DNAH9: variants seen among roughly 807,000 people sequenced by gnomAD.
The protein encoded by DNAH9 is dynein axonemal heavy chain 9.
A neutral mutation model predicts 471.6 loss-of-function variants in DNAH9; 345 were observed. The observed-to-expected ratio is 0.73, with a 90% CI of 0.67 to 0.80. DNAH9 has a LOEUF of 0.80. DNAH9 is among the 30% of genes least tolerant of loss of function. The pLI is 0.00. For synonymous variants in DNAH9, 2,093 were observed against 2,123.6 expected, an observed-to-expected ratio of 0.99 and a Z score of 0.40; for missense variants, 5,407 against 5,609.2, an observed-to-expected ratio of 0.96 and a Z score of 1.15.
In DNAH9 at chr17:11,935,946, T is replaced by C. The variant is rs138620640; in HGVS notation, c.12490-1406T>C. 1.2e-4 allele frequency among the ~76,000 whole-genome samples: 18 copies of C among 152,266 alleles called. No homozygotes were observed. The East Asian group carries it at 3.5e-3, about 29-fold the overall frequency. On this transcript the variant is annotated intron_variant, in intron 65 of 68. Transcript: ENST00000262442. The stretch of plus-strand genomic sequence containing the variant: ...ACTTCACCAAAGGCAAAAAGGCTTT[T>C]CCCGGGAAAATTGTGCAACAGCGTC...
At chr17:11,672,754 A>G (rs915467782) in intron 17 of DNAH9, among the ~76,000 whole-genome samples, 4 of 151,144 alleles carry the variant, frequency 2.6e-5, no homozygotes, top group Admixed American at 6.6e-5. Flanking sequence ...ACTCTACCAT[A>G]CCTCTGCTAC....
chr17:11,752,866 A>G lies in DNAH9; in HGVS notation c.6644A>G (p.Asn2215Ser), dbSNP rs768585423. The G allele has an allele frequency of 2.9e-5, 46 of 1,606,734 alleles. No homozygotes were observed. Among genetic ancestry groups the G allele is most frequent in the Non-Finnish European group, 3.7e-5 (43 of 1,176,872 alleles). The change falls in exon 33 of 69, where the codon AAC becomes AGC. Residue 2215 changes from asparagine (N) to serine (S), a missense_variant. By Grantham distance (46) the Asn-to-Ser change is conservative. Coordinates refer to ENST00000262442, the MANE Select transcript of DNAH9 (RefSeq NM_001372.4). ...TCTTCCATCATGCGGGAGCTTGCCA[A>G]CATCACCCATGATGGGCCCAAGTGG... ...LFSSIMRELA[N>S]ITHDGPKWIL...
At chr17:11,762,770 GTTTTTTTTT>G (rs563544881) in intron 35 of DNAH9, among the ~76,000 whole-genome samples, 1,450 of 90,838 alleles carry the variant, frequency 0.016, 62 homozygotes, top group African/African-American at 0.056. Context: ...TTTTTTTTTT[GTTTTTTTTT>G]TTTTTTTTTT....
intron 24 of DNAH9, among the ~76,000 whole-genome samples, chr17:11,701,596 T>C (rs2074596232): frequency 6.6e-6 from 1 of 152,222 alleles, no homozygotes; most frequent in East Asian, 1.9e-4. Context: ...CAATGACACC[T>C]GTCTTGCTGG....
At chr17:11,807,385 G>A (rs1969727930) in intron 43 of DNAH9, among the ~76,000 whole-genome samples, 2 of 152,132 alleles carry the variant, frequency 1.3e-5, no homozygotes, top group South Asian at 4.1e-4. Context: ...AAGAATTGAA[G>A]TGGGAGGTGT....
chr17:11,800,895 A>G (rs1404866248), intron 43 of DNAH9, among the ~76,000 whole-genome samples: 1 of 152,196 alleles, frequency 6.6e-6, no homozygotes, highest in Non-Finnish European at 1.5e-5. Context: ...TTAGCATGTT[A>G]TATGAGACTA....
At chr17:11,776,087 C>T (rs1162735070) in intron 38 of DNAH9, among the ~76,000 whole-genome samples, 1 of 152,138 alleles carries the variant, frequency 6.6e-6, no homozygotes, top group Non-Finnish European at 1.5e-5. Context: ...TTGGTCAACC[C>T]TTGTACAAAG....
intron 26 of DNAH9, among the ~76,000 whole-genome samples, chr17:11,711,562 T>C (rs1351071022): frequency 6.6e-6 from 1 of 152,070 alleles, no homozygotes; most frequent in Non-Finnish European, 1.5e-5. Flanking sequence ...TCCTGAGTTG[T>C]AATATTTGTA....
At chr17:11,806,585 CTG>C (rs1307810708) in intron 43 of DNAH9, among the ~76,000 whole-genome samples, 2 of 151,900 alleles carry the variant, frequency 1.3e-5, no homozygotes, top group African/African-American at 2.4e-5. Flanking sequence ...TTTCAAAAGA[CTG>C]TGTTCAGTAT....
chr17:11,651,026 TTA>T (rs1291680594), intron 12 of DNAH9, 41 bp from the exon 13 acceptor site: 1 of 1,593,254 alleles, frequency 6.3e-7, no homozygotes, highest in Non-Finnish European at 8.6e-7. Context: ...AGATTATTCA[TTA>T]TCACTGAACG....
chr17:11,938,495 G>A (rs1974789088), intron 66 of DNAH9, among the ~76,000 whole-genome samples: 1 of 150,506 alleles, frequency 6.6e-6, no homozygotes, highest in Non-Finnish European at 1.5e-5. Flanking sequence ...CCACCAAAGG[G>A]AAATTTCTCC....
At chr17:11,613,392 C>T (rs1190704976) in intron 4 of DNAH9, among the ~76,000 whole-genome samples, 2 of 152,090 alleles carry the variant, frequency 1.3e-5, no homozygotes, top group East Asian at 1.9e-4. Flanking sequence ...GAGGCCGAGG[C>T]GGACAGATCA....
intron 26 of DNAH9, among the ~76,000 whole-genome samples, chr17:11,709,701 A>G (rs2074797952): frequency 6.6e-6 from 1 of 152,152 alleles, no homozygotes; most frequent in African/African-American, 2.4e-5. Context: ...ACTAAATGGA[A>G]ATGTTTTTTC....
chr17:11,694,427 A>G lies in DNAH9; in HGVS notation c.4852A>G (p.Asn1618Asp). ...SSSDLLDILS[N>D]GTAPQQVQRH... is the part of the protein sequence containing the mutation. ...CTCCGATCTGTTAGACATCCTTTCC[A>G]ACGGCACAGCTCCACAACAGGTAAG... Residue 1618 changes from asparagine to aspartate, a missense_variant, in exon 22 of 69, where the codon AAC becomes GAC. By Grantham distance (23) the Asn-to-Asp change is conservative. Coordinates refer to ENST00000262442, the MANE Select transcript of DNAH9 (RefSeq NM_001372.4). 6.2e-7 allele frequency: 1 copy of G among 1,612,870 alleles called. No homozygotes were observed.
intron 49 of DNAH9, among the ~76,000 whole-genome samples, chr17:11,842,612 C>G (rs2150960099): frequency 6.6e-6 from 1 of 152,336 alleles, no homozygotes; most frequent in East Asian, 1.9e-4. Flanking sequence ...TGGAAAACAA[C>G]TGGTGTAAGT....
chr17:11,603,034 T>C (rs2072418311), intron 1 of DNAH9, among the ~76,000 whole-genome samples: 1 of 152,180 alleles, frequency 6.6e-6, no homozygotes, highest in African/African-American at 2.4e-5. Context: ...TTGCATCAGC[T>C]CCTGATGTAC....
intron 67 of DNAH9, among the ~76,000 whole-genome samples, chr17:11,957,546 C>A (rs576565832): frequency 6.6e-6 from 1 of 150,590 alleles, no homozygotes; most frequent in South Asian, 2.1e-4. Flanking sequence ...TTTCTTTATG[C>A]CTCATAGACC....
intron 4 of DNAH9, among the ~76,000 whole-genome samples, chr17:11,615,809 G>A (rs1007944894): frequency 6.6e-6 from 1 of 152,178 alleles, no homozygotes; most frequent in Non-Finnish European, 1.5e-5. Flanking sequence ...CCTATAGCAT[G>A]ATAGTCTCAG....
chr17:11,695,955 AT>A (rs2150764225), intron 22 of DNAH9, among the ~76,000 whole-genome samples: 1 of 152,278 alleles, frequency 6.6e-6, no homozygotes, highest in Admixed American at 6.5e-5. Context: ...TTTCCCATAC[AT>A]GTTTATTTGA....
Sources: gnomAD v4.1 joint callset for allele counts (sites outside exome capture counted in the v4.1 genomes callset) on GRCh38, gnomAD v4.1.1 for gene constraint, MANE v1.5 for transcripts, NCBI Gene and HGNC (gene_info 2026-07-23, HGNC 2026-07-21) for gene names.